UGT3A1: variants seen among roughly 807,000 people sequenced by gnomAD.
UGT3A1 encodes UDP-glycosyltransferase 3A1.
UGT3A1 carries 40 observed loss-of-function variants against 37.6 expected under a neutral mutation model. The ratio of observed to expected loss-of-function variants is 1.06; its 90% confidence interval spans 0.83 to 1.38. The LOEUF is 1.38. Ranked by LOEUF, UGT3A1 falls within the 40% of genes most tolerant of loss-of-function variation. UGT3A1 has a pLI of 0.00. For missense variants in UGT3A1, 642 were observed against 634.2 expected (o/e 1.01, Z -0.13); for synonymous variants, 256 against 232.3 (o/e 1.10, Z -0.93).
intron 4 of UGT3A1, among the ~76,000 whole-genome samples, chr5:35,963,177 C>T (rs1484087073): frequency 2.0e-5 from 3 of 152,210 alleles, no homozygotes; most frequent in Non-Finnish European, 4.4e-5. Flanking sequence ...CCTCTATTTC[C>T]CCTGCTGTTG....
At chr5:35,954,548 G>A in intron 6 of UGT3A1, 70 bp from the exon 7 acceptor site, 4 of 1,547,286 alleles carry the variant, frequency 2.6e-6, no homozygotes, top group Non-Finnish European at 3.5e-6. Context: ...TGTATTGCAT[G>A]AGCACACACA....
chr5:35,959,818 T>C (rs1410490152), intron 4 of UGT3A1, among the ~76,000 whole-genome samples: 1 of 151,712 alleles, frequency 6.6e-6, no homozygotes, highest in African/African-American at 2.4e-5. Context: ...ACACTAAAGA[T>C]TAAAAATCTA....
At chr5:35,999,811 G>T (rs141406241) in intron 1 of UGT3A1, among the ~76,000 whole-genome samples, 215 of 152,236 alleles carry the variant, frequency 1.4e-3, no homozygotes, top group African/African-American at 4.8e-3. Flanking sequence ...TTATCCAGCT[G>T]CCATCATCTC....
At chr5:35,958,099 T>C (rs1462136014) in intron 4 of UGT3A1, among the ~76,000 whole-genome samples, 1 of 152,158 alleles carries the variant, frequency 6.6e-6, no homozygotes, top group East Asian at 1.9e-4. Flanking sequence ...TTGATGATAT[T>C]TCATATATTA....
At chr5:35,973,773 T>G (rs1374011) in intron 2 of UGT3A1, among the ~76,000 whole-genome samples, 117,040 of 151,992 alleles carry the variant, frequency 0.77, 45,288 homozygotes, top group South Asian at 0.85. Context: ...ATATAATGGA[T>G]TTAATTGCAT....
chr5:35,992,442 G>C (rs1429243718), upstream of UGT3A1, among the ~76,000 whole-genome samples: 2 of 152,034 alleles, frequency 1.3e-5, no homozygotes, highest in African/African-American at 4.8e-5. Flanking sequence ...GGTTTACCAG[G>C]CTTCACAAGA....
chr5:35,982,587 G>T (rs951689170), intron 2 of UGT3A1, among the ~76,000 whole-genome samples: 2 of 152,164 alleles, frequency 1.3e-5, no homozygotes, highest in African/African-American at 4.8e-5. Flanking sequence ...GGAAGTAACT[G>T]AATTGTTTTA....
At chr5:35,963,014 G>T (rs1002157193) in intron 4 of UGT3A1, 3 of 693,216 alleles carry the variant, frequency 4.3e-6, no homozygotes, top group African/African-American at 1.8e-5. Flanking sequence ...AAAACTCAGG[G>T]TGTGAGGGAG....
At chr5:35,963,046 C>A in intron 4 of UGT3A1, 1 of 660,708 alleles carries the variant, frequency 1.5e-6, no homozygotes, top group South Asian at 1.7e-5. Context: ...GGGACTTTCT[C>A]TTCCATCTGT....
upstream of UGT3A1, among the ~76,000 whole-genome samples, chr5:35,994,571 C>T (rs1351221786): frequency 2.6e-5 from 4 of 152,004 alleles, no homozygotes; most frequent in Non-Finnish European, 5.9e-5. Flanking sequence ...AATAGGTTTC[C>T]CCCTCAGGAG....
At chr5:35,982,119 C>T (rs138514884) in intron 2 of UGT3A1, among the ~76,000 whole-genome samples, 142 of 152,350 alleles carry the variant, frequency 9.3e-4, no homozygotes, top group African/African-American at 3.3e-3. Context: ...TATGAAAATG[C>T]CTTCATGTCC....
rs1183000362 is a variant in UGT3A1, at chr5:35,991,378, C to T, written c.-138G>A. 2 of 1,481,748 alleles carry T rather than the reference C, an allele frequency of 1.3e-6. No homozygotes were observed. The highest frequency in any genetic ancestry group is 5.1e-5 in the Admixed American group (2 of 39,256). The allele number at this position is 1,481,748 out of a possible 1,614,324, so 91.8% of individuals were successfully genotyped here. A position where few individuals can be genotyped will look rare whatever the true frequency, so the allele number is the denominator to read the frequency against. On this transcript the variant is annotated 5_prime_UTR_variant, in exon 1 of 7. Transcript: ENST00000274278. ...AGGTAGGAGACGGATCCTGCCAATT[C>T]TCTCGCCCTTCTGTTCGTTCTCTTT...
intron 2 of UGT3A1, among the ~76,000 whole-genome samples, chr5:35,971,736 G>A (rs375269086): frequency 1.4e-3 from 217 of 152,230 alleles, no homozygotes; most frequent in African/African-American, 5.0e-3. Context: ...CTCTCAGCCA[G>A]AGAGGTATTT....
upstream of UGT3A1, among the ~76,000 whole-genome samples, chr5:35,995,245 C>A (rs1049192721): frequency 6.6e-6 from 1 of 152,166 alleles, no homozygotes; most frequent in Non-Finnish European, 1.5e-5. Context: ...ATGTCTACCA[C>A]TCAACAGTAG....
Position 35,954,425 on chromosome 5 carries a change from C to T in UGT3A1, c.1349G>A (p.Ser450Asn). 2.5e-6 allele frequency: 4 copies of T among 1,614,228 alleles called. No homozygotes were observed. Among genetic ancestry groups the T allele is most frequent in the Non-Finnish European group, 2.5e-6 (3 of 1,180,040 alleles). The change falls in exon 7 of 7, where the codon AGC becomes AAC. Residue 450 changes from serine (S) to asparagine (N), a missense_variant. Coordinates refer to ENST00000274278, the MANE Select transcript of UGT3A1 (RefSeq NM_152404.4). The stretch of plus-strand genomic sequence containing the variant: ...CCAGCCCACCAGCCGCTGTGCGGGG[C>T]TCAGGGGCTGAGAGTGCAGGATGAC... ...ASVILHSQPLSPAQRLVGWID... is the reference protein window; with the variant it reads ...ASVILHSQPLNPAQRLVGWID...
intron 6 of UGT3A1, chr5:35,955,383 A>G: frequency 1.7e-6 from 1 of 590,196 alleles, no homozygotes; most frequent in South Asian, 2.2e-5. Context: ...GGACTCCCAA[A>G]TATAAGATCA....
intron 3 of UGT3A1, 98 bp downstream of exon 3, chr5:35,967,921 C>A: frequency 1.1e-6 from 1 of 884,406 alleles, no homozygotes; most frequent in East Asian, 2.6e-5. Context: ...ACCCACCCAT[C>A]TATTTCTCTA....
At chr5:35,955,349 G>A (rs1177413241) in intron 6 of UGT3A1, 10 of 562,004 alleles carry the variant, frequency 1.8e-5, no homozygotes, top group East Asian at 1.7e-4. Context: ...GAAACCCCCC[G>A]CTTCAGTTGG....
chr5:35,959,098 T>C (rs1580918703), intron 4 of UGT3A1, among the ~76,000 whole-genome samples: 2 of 152,220 alleles, frequency 1.3e-5, no homozygotes, highest in South Asian at 4.1e-4. Context: ...CAAAAACAGT[T>C]GAGCATACAG....
Sources: gnomAD v4.1 joint callset for allele counts (sites outside exome capture counted in the v4.1 genomes callset) on GRCh38, gnomAD v4.1.1 for gene constraint, MANE v1.5 for transcripts, NCBI Gene and HGNC (gene_info 2026-07-23, HGNC 2026-07-21) for gene names.